Variants in FANK1 observed in about 807,000 individuals in gnomAD.
The protein encoded by FANK1 is fibronectin type 3 and ankyrin repeat domains protein 1.
Under a neutral mutation model 45.3 loss-of-function variants are expected in FANK1, and 44 were observed. The ratio of observed to expected loss-of-function variants is 0.97; its 90% CI spans 0.76 to 1.25. FANK1 has a LOEUF of 1.25. FANK1 is among the 50% of genes most tolerant of loss of function. The pLI is 0.00. For synonymous variants in FANK1, 149 were observed against 152.5 expected (o/e 0.98, Z 0.17); for missense variants, 391 against 424.4 (o/e 0.92, Z 0.69).
In FANK1 at chr10:125,967,543, G is replaced by T. The variant is rs553411443; in HGVS notation, c.14-12618G>T. ...TAATTGTGCTGATAATTGAAGCTGG[G>T]TAACAGATACAAGAGGATTTGCTAT... On this transcript the variant is annotated intron_variant, in intron 1 of 10. Coordinates refer to ENST00000368693, the MANE Select transcript of FANK1 (RefSeq NM_145235.5). Among the ~76,000 whole-genome samples the T allele has an allele frequency of 3.1e-3, 471 of 152,274 alleles. 1 individual carries two copies. Among genetic ancestry groups the T allele is most frequent in the African/African-American group, 0.011 (464 of 41,540 alleles).
intron 1 of FANK1, among the ~76,000 whole-genome samples, chr10:125,942,962 T>C (rs1948549604): frequency 6.6e-6 from 1 of 151,992 alleles, no homozygotes; most frequent in Non-Finnish European, 1.5e-5. Context: ...TACAAGCGTG[T>C]GCCACCACAC....
intron 6 of FANK1, chr10:126,004,622 T>G: frequency 2.5e-6 from 1 of 406,686 alleles, no homozygotes; most frequent in South Asian, 2.7e-5. Flanking sequence ...AGACAATATG[T>G]GGCCTTTCAT....
At chr10:125,903,684 A>ATTT (rs1190321264) in intron 1 of FANK1, among the ~76,000 whole-genome samples, 1 of 93,676 alleles carries the variant, frequency 1.1e-5, no homozygotes, top group South Asian at 3.0e-4. Context: ...TTAAGTTTTA[A>ATTT]TTTTTTTAAT....
intron 1 of FANK1, among the ~76,000 whole-genome samples, chr10:125,910,678 A>C (rs2134114238): frequency 6.6e-6 from 1 of 152,358 alleles, no homozygotes; most frequent in East Asian, 1.9e-4. Flanking sequence ...TTATTGAATC[A>C]GTCCACTGCT....
chr10:125,955,576 G>C (rs1360451259), intron 1 of FANK1, among the ~76,000 whole-genome samples: 1 of 152,058 alleles, frequency 6.6e-6, no homozygotes, highest in Non-Finnish European at 1.5e-5. Context: ...GACCTCCCAG[G>C]CTCAAGAGAT....
intron 1 of FANK1, among the ~76,000 whole-genome samples, chr10:125,930,410 C>T (rs1482172549): frequency 1.3e-5 from 2 of 151,932 alleles, no homozygotes. Flanking sequence ...GATCATGGCT[C>T]ACTGCAGCCT....
intron 3 of FANK1, 126 bp downstream of exon 3, chr10:125,988,801 T>C: frequency 7.0e-7 from 1 of 1,437,638 alleles, no homozygotes; most frequent in Non-Finnish European, 9.8e-7. Flanking sequence ...TTTTAAACAC[T>C]GCAATAATAT....
At chr10:125,945,336 G>A (rs1416995485) in intron 1 of FANK1, among the ~76,000 whole-genome samples, 4 of 152,210 alleles carry the variant, frequency 2.6e-5, no homozygotes. Flanking sequence ...TCCATCTGAG[G>A]TACCGGGTTT....
chr10:125,969,326 A>G (rs578196370), intron 1 of FANK1, among the ~76,000 whole-genome samples: 1 of 152,088 alleles, frequency 6.6e-6, no homozygotes, highest in East Asian at 1.9e-4. Flanking sequence ...AGTTGGTTAA[A>G]TTTGGATGCT....
intron 8 of FANK1, among the ~76,000 whole-genome samples, 191 bp downstream of exon 8, chr10:126,008,741 A>T (rs193211268): frequency 6.6e-6 from 1 of 152,230 alleles, no homozygotes; most frequent in Non-Finnish European, 1.5e-5. Flanking sequence ...TCTTTTTACA[A>T]CTATTTAAGG....
intron 1 of FANK1, chr10:125,960,292 A>G (rs998908648): frequency 6.9e-6 from 2 of 290,840 alleles, no homozygotes; most frequent in South Asian, 7.2e-5. Context: ...TTCTGCATGC[A>G]GTACTGTTGC....
chr10:125,914,292 T>TATATATATATATATATATATA (rs58995936), intron 1 of FANK1, among the ~76,000 whole-genome samples: 3 of 150,802 alleles, frequency 2.0e-5, no homozygotes, highest in South Asian at 2.1e-4. Context: ...TATATATATA[T>TATATATATATATATATATATA]TTAAAAAGTC....
At chr10:125,994,125 T>G (rs1445065772) in intron 3 of FANK1, among the ~76,000 whole-genome samples, 3 of 99,880 alleles carry the variant, frequency 3.0e-5, no homozygotes, top group South Asian at 3.5e-4. Context: ...AGAGGGAGGG[T>G]GGGTGAGCCC....
Position 125,989,427 on chromosome 10 carries a change from C to T in FANK1, c.316+752C>T, listed in dbSNP as rs111235466. 1,595 of 1,447,632 alleles carry T rather than the reference C, an allele frequency of 1.1e-3. 23 individuals carry two copies. The African/African-American group carries it at 0.02, about 18-fold the overall frequency. 89.7% of individuals were successfully genotyped at this position (1,447,632 alleles called of 1,614,324 possible). A position where few individuals can be genotyped will look rare whatever the true frequency, so the allele number is the denominator to read the frequency against. ...GTAAAGCTCTTTTTCCGTTTTATTC[C>T]AGGTAGCATTTGGCTTGGAGGTATG... On this transcript the variant is annotated intron_variant, in intron 3 of 10. Coordinates refer to ENST00000368693, the MANE Select transcript of FANK1 (RefSeq NM_145235.5).
rs561709888 is a variant in FANK1 at position 125,913,934 on chromosome 10, G to A, written c.13+17279G>A. Among the ~76,000 whole-genome samples, 1,341 of 152,232 alleles carry A rather than the reference G, an allele frequency of 8.8e-3. 13 individuals carry two copies. Among genetic ancestry groups the A allele is most frequent in the African/African-American group, 0.029 (1,203 of 41,534 alleles). ...AAGAGAACAAATATAAATACAGATGGATCAGCTAAATGAAGGACTGTCGAG... is the reference window on the plus strand; with the variant it reads ...AAGAGAACAAATATAAATACAGATGAATCAGCTAAATGAAGGACTGTCGAG... On this transcript the variant is annotated intron_variant, in intron 1 of 10. Coordinates refer to ENST00000368693, the MANE Select transcript of FANK1 (RefSeq NM_145235.5).
At chr10:125,981,603 A>G (rs1320294573) in intron 2 of FANK1, among the ~76,000 whole-genome samples, 1 of 152,008 alleles carries the variant, frequency 6.6e-6, no homozygotes, top group Non-Finnish European at 1.5e-5. Flanking sequence ...CAAAATGACT[A>G]TTTTGTGATT....
At chr10:125,974,733 A>G (rs1950747895) in intron 1 of FANK1, among the ~76,000 whole-genome samples, 1 of 152,242 alleles carries the variant, frequency 6.6e-6, no homozygotes, top group Non-Finnish European at 1.5e-5. Context: ...CACTTTATGG[A>G]CATAGAATAA....
chr10:125,907,596 A>ATG (rs1038430570), intron 1 of FANK1: 356 of 405,472 alleles, frequency 8.8e-4, no homozygotes, highest in East Asian at 1.7e-3. Flanking sequence ...GTGTGTGTGT[A>ATG]TGTGTGTGTG....
intron 4 of FANK1, 128 bp downstream of exon 4, chr10:125,995,626 A>C: frequency 1.1e-4 from 82 of 775,438 alleles, no homozygotes; most frequent in East Asian, 1.9e-4. Context: ...AATGGATCTC[A>C]GGTGACTGGT....
Sources: allele counts gnomAD v4.1 joint callset (sites outside exome capture counted in the v4.1 genomes callset), GRCh38; gene constraint gnomAD v4.1.1; transcripts MANE v1.5; gene names NCBI Gene and HGNC (gene_info 2026-07-23, HGNC 2026-07-21).